Variants in CHD4 observed in about 807,000 individuals in gnomAD.
The protein encoded by CHD4 is chromodomain helicase DNA binding protein 4.
CHD4 carries 35 observed loss-of-function variants against 235.5 expected under a neutral mutation model. The observed-to-expected ratio is 0.15, with a 90% CI of 0.11 to 0.20. CHD4 has a LOEUF of 0.20. Ranked by LOEUF, CHD4 falls within the 10% of genes least tolerant of loss-of-function variation. The pLI is 1.00. For synonymous variants in CHD4, 900 were observed against 850.2 expected (o/e 1.06, Z -1.02); for missense variants, 1,329 against 2,432.3 (o/e 0.55, Z 9.54).
chr12:6,584,535 G>A (rs1948248528), intron 25 of CHD4: 1 of 152,084 alleles, frequency 6.6e-6, no homozygotes, highest in African/African-American at 2.4e-5. Context: ...ACAAGCGTGA[G>A]CAACCACACT....
intron 37 of CHD4, among the ~76,000 whole-genome samples, chr12:6,576,469 C>G (rs1948072701): frequency 6.6e-6 from 1 of 152,256 alleles, no homozygotes; most frequent in South Asian, 2.1e-4. Context: ...TGCACGCCAC[C>G]AGAACTGGCT....
At chr12:6,585,658 ACG>A in intron 25 of CHD4, among the ~76,000 whole-genome samples, 1 of 151,202 alleles carries the variant, frequency 6.6e-6, no homozygotes, top group East Asian at 2.0e-4. Flanking sequence ...GTGTGGTGGC[ACG>A]TGCCTGTAGT....
chr12:6,584,393 C>A (rs1214140740), intron 25 of CHD4: 1 of 152,070 alleles, frequency 6.6e-6, no homozygotes, highest in East Asian at 1.9e-4. Context: ...CGTGTGTGTA[C>A]ATATAAATAT....
chr12:6,593,310 C>A lies in CHD4; in HGVS notation c.2515-82G>T. 6.2e-7 allele frequency: 1 copy of A among 1,601,180 alleles called. No homozygotes were observed. The highest frequency in any genetic ancestry group is 8.5e-7 in the Non-Finnish European group (1 of 1,169,860). On this transcript the variant is annotated intron_variant, in intron 16 of 39. Coordinates refer to ENST00000544040, the MANE Select transcript of CHD4 (RefSeq NM_001273.5). This position sits in a 1 kb window ranked among gnomAD's most constrained non-coding sequence, Gnocchi z 4.9. ...AGGAGACTGATGGAATGTTTTCCTC[C>A]TCCCAGGGTTACCCTTTTGCCTCAC...
intron 14 of CHD4, 90 bp downstream of exon 14, chr12:6,595,244 C>T: frequency 9.1e-7 from 1 of 1,098,284 alleles, no homozygotes; most frequent in Non-Finnish European, 1.3e-6. Flanking sequence ...TTACTATCTG[C>T]ATTTCATTAC....
chr12:6,599,017 T>C (rs1037688952), intron 10 of CHD4, among the ~76,000 whole-genome samples: 1 of 152,224 alleles, frequency 6.6e-6, no homozygotes, highest in Non-Finnish European at 1.5e-5. Context: ...CCATCACTCC[T>C]ATCTGCTTAA....
At chr12:6,570,832 G>C (rs768769285) in intron 39 of CHD4, 37 bp downstream of exon 39, 1 of 1,613,446 alleles carries the variant, frequency 6.2e-7, no homozygotes. Context: ...GAATGGTTCT[G>C]CAGGAAGAGG....
chr12:6,570,468 G>A lies in CHD4; in HGVS notation c.*208C>T, dbSNP rs1264754189. 15 of 616,418 alleles carry A rather than the reference G, an allele frequency of 2.4e-5. No homozygotes were observed. Among genetic ancestry groups the A allele is most frequent in the Non-Finnish European group, 4.0e-5 (14 of 354,002 alleles). The allele number at this position is 616,418 out of a possible 1,614,324, so 38.2% of individuals were successfully genotyped here. A position where few individuals can be genotyped will look rare whatever the true frequency, so the allele number is the denominator to read the frequency against. ...CCGCCAGCTCCTGCAGATGGCGCCA[G>A]CGCTACTGCTGCATGTCTCTTCTGC... On this transcript the variant is annotated 3_prime_UTR_variant, in exon 40 of 40. Coordinates refer to ENST00000544040, the MANE Select transcript of CHD4 (RefSeq NM_001273.5).
chr12:6,605,881 C>T (rs188244546), intron 2 of CHD4, among the ~76,000 whole-genome samples: 70 of 152,336 alleles, frequency 4.6e-4, no homozygotes, highest in Non-Finnish European at 7.9e-4. Context: ...ATCCTACTAG[C>T]ACAGATGCCC....
At chr12:6,581,013 A>C (rs1323236381) in intron 33 of CHD4, 31 bp downstream of exon 33, 5 of 1,611,324 alleles carry the variant, frequency 3.1e-6, no homozygotes, top group East Asian at 4.5e-5. Flanking sequence ...CAAAACAAAC[A>C]AACAAACAAA....
chr12:6,586,443 G>T (rs1284324523), intron 25 of CHD4, among the ~76,000 whole-genome samples: 2 of 151,902 alleles, frequency 1.3e-5, no homozygotes, highest in African/African-American at 4.8e-5. Flanking sequence ...TACACAAGGA[G>T]GCCTGGTGTG....
chr12:6,606,196 C>A, intron 2 of CHD4, 78 bp downstream of exon 2: 1 of 977,890 alleles, frequency 1.0e-6, no homozygotes, highest in South Asian at 1.5e-5. Context: ...AGCAACACAG[C>A]CCTGCCTCAC....
At chr12:6,598,638 G>A (rs942544289) in intron 10 of CHD4, among the ~76,000 whole-genome samples, 5 of 152,160 alleles carry the variant, frequency 3.3e-5, no homozygotes, top group Admixed American at 2.0e-4. Flanking sequence ...GTGAAACCCC[G>A]TCTCTACTAA....
Position 6,590,917 on chromosome 12 carries a change from G to T in CHD4, c.3340+549C>A, listed in dbSNP as rs932941740. ...AGGTGGGCGGATCATGAGGTCAGGA[G>T]ATCGAGACCATCTTGGCCAACATGG... On this transcript the variant is annotated intron_variant, in intron 22 of 39. Transcript: ENST00000544040. Among the ~76,000 whole-genome samples the T allele has an allele frequency of 9.9e-5, 15 of 151,594 alleles. No individual in the cohort carries two copies. In the East Asian group the frequency reaches 2.7e-3, roughly 27 times the overall value.
At chr12:6,579,077 G>T in intron 33 of CHD4, 160 bp from the exon 34 acceptor site, 2 of 609,010 alleles carry the variant, frequency 3.3e-6, no homozygotes, top group Non-Finnish European at 5.8e-6. Context: ...CATCTTGGGA[G>T]ACAGCAGCAG....
chr12:6,600,386 T>A lies in CHD4; in HGVS notation c.1073A>T (p.Glu358Val). ...TTKKKKKGEE[E>V]VTAVDGYETD... ...CTCATAACCATCCACAGCAGTCACC[T>A]CCTCCTCGCCTGGGCAAGGAAGAGG... The change falls in exon 9 of 40, where the codon GAG becomes GTG. Residue 358 changes from glutamate (E) to valine (V), a missense_variant. By Grantham distance (121) the Glu-to-Val change is moderately radical. Coordinates refer to ENST00000544040, the MANE Select transcript of CHD4 (RefSeq NM_001273.5). The A allele has an allele frequency of 6.2e-7, 1 of 1,613,416 alleles. No individual in the cohort carries two copies. Among genetic ancestry groups the A allele is most frequent in the East Asian group, 2.2e-5 (1 of 44,816 alleles).
chr12:6,585,272 T>A (rs1948262362), intron 25 of CHD4, among the ~76,000 whole-genome samples: 1 of 152,138 alleles, frequency 6.6e-6, no homozygotes, highest in African/African-American at 2.4e-5. Context: ...GGGAGGAGAA[T>A]AAAAAGGTAT....
At position 6,601,023 on chromosome 12, in the gene CHD4, C is replaced by T; in HGVS notation, c.830G>A (p.Ser277Asn). ...CTTCTTGGCATCAGGTACACGAGGG[C>T]TGCCCTTGGGCTTCCTCCGAGCATT... The part of the protein sequence containing the change: ...GPNARRKPKG[S>N]PRVPDAKKPK... The change falls in exon 7 of 40, where the codon AGC becomes AAC. Residue 277 changes from serine to asparagine, a missense_variant. Coordinates refer to ENST00000544040, the MANE Select transcript of CHD4 (RefSeq NM_001273.5). 1 of 1,597,006 alleles carries T rather than the reference C, an allele frequency of 6.3e-7. No homozygotes were observed. Among genetic ancestry groups the T allele is most frequent in the Non-Finnish European group, 8.5e-7 (1 of 1,174,208 alleles).
At chr12:6,597,741 G>A (rs1297783680) in intron 12 of CHD4, among the ~76,000 whole-genome samples, 153 bp downstream of exon 12, 1 of 152,210 alleles carries the variant, frequency 6.6e-6, no homozygotes, top group African/African-American at 2.4e-5. Context: ...ACTCCAGCCT[G>A]GGCACAGAGT....
Sources: gnomAD v4.1 joint callset for allele counts (sites outside exome capture counted in the v4.1 genomes callset) on GRCh38, gnomAD v4.1.1 for gene constraint, Gnocchi (gnomAD v3.1) non-coding constraint, MANE v1.5 for transcripts, NCBI Gene and HGNC (gene_info 2026-07-23, HGNC 2026-07-21) for gene names.